Variants in CDKN2AIP observed in about 807,000 individuals in gnomAD.
CDKN2AIP encodes CDKN2A-interacting protein.
CDKN2AIP carries 12 observed loss-of-function variants against 44.1 expected under a neutral mutation model. That is an observed-to-expected ratio of 0.27 (90% CI 0.17 to 0.44). The LOEUF (loss-of-function observed/expected upper bound fraction) is 0.44, where lower values mean the gene tolerates loss of function less well. Among genes scored for constraint, CDKN2AIP ranks in the 20% least tolerant of loss-of-function variants. The pLI is 1.00. For missense variants in CDKN2AIP, 705 were observed against 681.6 expected, an observed-to-expected ratio of 1.03 and a Z score of -0.38; for synonymous variants, 291 against 272.1, an observed-to-expected ratio of 1.07 and a Z score of -0.68.
In CDKN2AIP at chr4:183,446,305, T is replaced by C; in HGVS notation, c.621T>C (p.Asp207=). 6.2e-7 allele frequency: 1 copy of C among 1,614,188 alleles called. No homozygotes were observed. The highest frequency in any genetic ancestry group is 8.5e-7 in the Non-Finnish European group (1 of 1,180,014). ...SSQNSSTSDG[D]RSVSSQSSSS... ...AGAATAGCTCTACAAGTGATGGAGA[T>C]CGATCTGTTTCCAGCCAAAGCAGCA... The change falls in exon 3 of 3, where the codon GAT becomes GAC. Residue 207 remains aspartate (D), a synonymous_variant. Coordinates refer to ENST00000504169, the MANE Select transcript of CDKN2AIP (RefSeq NM_017632.4).
At chr4:183,445,896 AT>A (rs952854579) in intron 2 of CDKN2AIP, 191 bp from the exon 3 acceptor site, 5 of 641,546 alleles carry the variant, frequency 7.8e-6, no homozygotes, top group Admixed American at 6.2e-5. Flanking sequence ...TGATGCTGTT[AT>A]TTTTTTAATA....
chr4:183,447,223 C>T lies in CDKN2AIP; in HGVS notation c.1539C>T (p.Gly513=). 2 of 1,611,892 alleles carry T rather than the reference C, an allele frequency of 1.2e-6. No homozygotes were observed. Among genetic ancestry groups the T allele is most frequent in the Non-Finnish European group, 1.7e-6 (2 of 1,179,254 alleles). The change falls in exon 3 of 3, where the codon GGC becomes GGT. Residue 513 remains glycine (G), a synonymous_variant. Coordinates refer to ENST00000504169, the MANE Select transcript of CDKN2AIP (RefSeq NM_017632.4). ...CELRCKSVYL[G]TGCGKSKENA... The stretch of plus-strand genomic sequence containing the variant: ...TGAGGTGCAAGTCTGTGTATTTGGG[C>T]ACTGGCTGTGGAAAAAGCAAAGAAA...
chr4:183,444,762 C>A lies in CDKN2AIP; in HGVS notation c.-36C>A. 3 of 1,484,366 alleles carry A rather than the reference C, an allele frequency of 2.0e-6. No homozygotes were observed. Among genetic ancestry groups the A allele is most frequent in the Non-Finnish European group, 2.7e-6 (3 of 1,109,840 alleles). 91.9% of individuals were successfully genotyped at this position (1,484,366 alleles called of 1,614,324 possible). A position where few individuals can be genotyped will look rare whatever the true frequency, so the allele number is the denominator to read the frequency against. On this transcript the variant is annotated 5_prime_UTR_variant, in exon 1 of 3. Transcript: ENST00000504169. ...CTCGCCCCGCTAGTCCTGCCTGTCT[C>A]CCGGTGCAGCTGTGTTCGCGGCCTG... is the stretch of plus-strand genomic sequence containing the variant.
rs1733710928 is a variant in CDKN2AIP at position 183,447,587 on chromosome 4, ATAAT to A, written c.*162_*165del. 1.9e-6 allele frequency: 1 copy of A among 528,164 alleles called. No homozygotes were observed. The highest frequency in any genetic ancestry group is 3.6e-5 in the Admixed American group (1 of 27,562). 32.7% of individuals were successfully genotyped at this position (528,164 alleles called of 1,614,324 possible). A position where few individuals can be genotyped will look rare whatever the true frequency, so the allele number is the denominator to read the frequency against. ...TCTCTTCACACAGTAGCAGTTGTAA[ATAAT>A]TTATGAATGACAGTACACATTAAAA... On this transcript the variant is annotated 3_prime_UTR_variant, in exon 3 of 3. Transcript: ENST00000504169.
In CDKN2AIP at chr4:183,446,588, G is replaced by C. The variant is rs1251041060; in HGVS notation, c.904G>C (p.Glu302Gln). The C allele has an allele frequency of 1.9e-6, 3 of 1,614,038 alleles. No individual in the cohort carries two copies. The change falls in exon 3 of 3, where the codon GAA becomes CAA. Residue 302 changes from glutamate (E) to glutamine (Q), a missense_variant. Glu to Gln is a conservative substitution (Grantham distance 29). This residue lies in a region of CDKN2AIP where 592 missense variants were observed against 518.0 expected (regional missense o/e 1.14). Coordinates refer to ENST00000504169, the MANE Select transcript of CDKN2AIP (RefSeq NM_017632.4). Reference sequence around the variant, plus strand: ...GGGCTCCTCAGGAAGCTCAGAGGTAGAATTGCCACTATTGTCTTCCAAACC... The same window carrying C: ...GGGCTCCTCAGGAAGCTCAGAGGTACAATTGCCACTATTGTCTTCCAAACC... ...LLGSSGSSEV[E>Q]LPLLSSKPSS... is the part of the protein sequence containing the mutation.
In CDKN2AIP at chr4:183,446,973, A is replaced by G. The variant is rs768536227; in HGVS notation, c.1289A>G (p.Asn430Ser). The G allele has an allele frequency of 5.6e-6, 9 of 1,614,098 alleles. No individual in the cohort carries two copies. The Middle Eastern group carries it at 4.9e-4, about 88-fold the overall frequency. Residue 430 changes from asparagine to serine, a missense_variant, in exon 3 of 3, where the codon AAT becomes AGT. By Grantham distance (46) the Asn-to-Ser change is conservative. Transcript: ENST00000504169. ...GTCAAATTCTCTTGCAAGTTAACCAATGAAGATGTGAAACAGAAGCAACCT... is the reference window on the plus strand; with the variant it reads ...GTCAAATTCTCTTGCAAGTTAACCAGTGAAGATGTGAAACAGAAGCAACCT... ...SSVKFSCKLTNEDVKQKQPFF... is the reference protein window; with the variant it reads ...SSVKFSCKLTSEDVKQKQPFF...
chr4:183,445,207 C>T lies in CDKN2AIP; in HGVS notation c.272+138C>T, dbSNP rs570996849. On this transcript the variant is annotated intron_variant, in intron 1 of 2. Transcript: ENST00000504169. ...GCGGGAATCCGCCGGCCCGGCTGCC[C>T]TCTAAGGGGGAGAAGGGCGTCCCTG... is the stretch of plus-strand genomic sequence containing the variant. 41 of 1,099,142 alleles carry T rather than the reference C, an allele frequency of 3.7e-5. No homozygotes were observed. The African/African-American group carries it at 5.8e-4, about 16-fold the overall frequency. 68.1% of individuals were successfully genotyped at this position (1,099,142 alleles called of 1,614,324 possible).
At position 183,447,410 on chromosome 4, in the gene CDKN2AIP, C is replaced by T. The variant is rs1306270813; in HGVS notation, c.1726C>T (p.Pro576Ser). The T allele has an allele frequency of 6.5e-7, 1 of 1,535,016 alleles. No individual in the cohort carries two copies. The highest frequency in any genetic ancestry group is 8.7e-7 in the Non-Finnish European group (1 of 1,146,498). ...AAACTTACCTCCAGCACTAAAACAT[C>T]CTCAAGAATTACTATAATGTGTCCA... ...PVNLPPALKHPQELL is the reference protein window; with the variant it reads ...PVNLPPALKHSQELL The change falls in exon 3 of 3, where the codon CCT becomes TCT. Residue 576 changes from proline to serine, a missense_variant. By Grantham distance (74) the Pro-to-Ser change is moderately conservative. Coordinates refer to ENST00000504169, the MANE Select transcript of CDKN2AIP (RefSeq NM_017632.4).
chr4:183,445,242 G>T, intron 1 of CDKN2AIP, 173 bp downstream of exon 1: 1 of 772,852 alleles, frequency 1.3e-6, no homozygotes, highest in Non-Finnish European at 2.0e-6. Flanking sequence ...GCGAGGAGCC[G>T]ACATGATTCC....
In CDKN2AIP at chr4:183,446,153, G is replaced by A. The variant is rs370906148; in HGVS notation, c.469G>A (p.Asp157Asn). The change falls in exon 3 of 3, where the codon GAT (aspartate) becomes AAT (asparagine). Residue 157 changes from aspartate (D) to asparagine (N), a missense_variant. By Grantham distance (23) the Asp-to-Asn change is conservative. Around this residue, in one of 2 missense-constraint regions of CDKN2AIP, gnomAD observed 592 missense variants for 518.0 expected, o/e 1.14. Transcript: ENST00000504169. ...AAAAAACAGTTCTGCAGTTGAGCAAGATCACGCAAAAACCTCTGCCAAGAC... is the reference window on the plus strand; with the variant it reads ...AAAAAACAGTTCTGCAGTTGAGCAAAATCACGCAAAAACCTCTGCCAAGAC... Reference protein sequence around the residue: ...EGKNSSAVEQDHAKTSAKTER... With the variant: ...EGKNSSAVEQNHAKTSAKTER... 1.9e-6 allele frequency: 3 copies of A among 1,614,052 alleles called. No homozygotes were observed. Among genetic ancestry groups the A allele is most frequent in the Non-Finnish European group, 2.5e-6 (3 of 1,179,878 alleles).
chr4:183,444,981 G>A lies in CDKN2AIP; in HGVS notation c.184G>A (p.Asp62Asn). 4 of 1,609,000 alleles carry A rather than the reference G, an allele frequency of 2.5e-6. No homozygotes were observed. The highest frequency in any genetic ancestry group is 4.5e-5 in the East Asian group (2 of 44,750). Residue 62 changes from aspartate (D) to asparagine (N), a missense_variant, in exon 1 of 3, where the codon GAC (aspartate) becomes AAC (asparagine). Transcript: ENST00000504169. The part of the protein sequence containing the change: ...AASASTDEAA[D>N]AESGTRNRQL... Reference sequence around the variant, plus strand: ...CTCCGCTAGCACGGATGAAGCTGCCGACGCCGAGAGCGGGACCCGAAACCG... The same window carrying A: ...CTCCGCTAGCACGGATGAAGCTGCCAACGCCGAGAGCGGGACCCGAAACCG...
At chr4:183,445,123 G>C in intron 1 of CDKN2AIP, 54 bp downstream of exon 1, 1 of 1,519,784 alleles carries the variant, frequency 6.6e-7, no homozygotes, top group East Asian at 2.3e-5. Flanking sequence ...GCCACCTGCA[G>C]ACCGGGGCCC....
At position 183,447,122 on chromosome 4, in the gene CDKN2AIP, G is replaced by A; in HGVS notation, c.1438G>A (p.Val480Ile). Residue 480 changes from valine (V) to isoleucine (I), a missense_variant, in exon 3 of 3, where the codon GTA becomes ATA. Transcript: ENST00000504169. ...TGAGGCTCTGAAAGCAACACTGGAT[G>A]TATTTTTTGTCCCACTAAAAGAATT... ...AIEALKATLD[V>I]FFVPLKELAD... 3 of 1,613,968 alleles carry A rather than the reference G, an allele frequency of 1.9e-6. No individual in the cohort carries two copies. Among genetic ancestry groups the A allele is most frequent in the Non-Finnish European group, 2.5e-6 (3 of 1,179,840 alleles).
At position 183,444,940 on chromosome 4, in the gene CDKN2AIP, C is replaced by A; in HGVS notation, c.143C>A (p.Pro48His). The part of the protein sequence containing the change: ...FLLRNAGDLA[P>H]AGGAASASTD... ...CTTCGCAACGCCGGGGACCTGGCCC[C>A]CGCTGGCGGCGCTGCCTCCGCTAGC... The change falls in exon 1 of 3, where the codon CCC becomes CAC. Residue 48 changes from proline to histidine, a missense_variant. Physicochemically the swap from Pro to His is moderately conservative, Grantham distance 77. Around this residue, in one of 2 missense-constraint regions of CDKN2AIP, gnomAD observed 592 missense variants for 518.0 expected, o/e 1.14. Transcript: ENST00000504169. 1 of 1,611,370 alleles carries A rather than the reference C, an allele frequency of 6.2e-7. No individual in the cohort carries two copies. Among genetic ancestry groups the A allele is most frequent in the Non-Finnish European group, 8.5e-7 (1 of 1,178,952 alleles).
intron 1 of CDKN2AIP, 117 bp downstream of exon 1, chr4:183,445,186 G>A: frequency 2.3e-6 from 3 of 1,303,210 alleles, no homozygotes; most frequent in South Asian, 1.4e-5. Context: ...TGAAGCGCGG[G>A]AATCCGCCGG....
In CDKN2AIP at chr4:183,446,043, T is replaced by C. The variant is rs144915486; in HGVS notation, c.404-45T>C. On this transcript the variant is annotated intron_variant, in intron 2 of 2. Coordinates refer to ENST00000504169, the MANE Select transcript of CDKN2AIP (RefSeq NM_017632.4). ...TGTATTTGTCTCATCACCCGTTTTG[T>C]ACGAGGTATTCTTAGTCACATATCT... The C allele has an allele frequency of 1.6e-3, 2,397 of 1,483,838 alleles. 3 individuals carry two copies. Among genetic ancestry groups the C allele is most frequent in the Admixed American group, 2.6e-3 (119 of 46,580 alleles). The allele number at this position is 1,483,838 out of a possible 1,614,324, so 91.9% of individuals were successfully genotyped here. A position where few individuals can be genotyped will look rare whatever the true frequency, so the allele number is the denominator to read the frequency against.
rs1733628064 is a variant in CDKN2AIP at position 183,444,886 on chromosome 4, A to G, written c.89A>G (p.Lys30Arg). ...EALRCDGETD[K>R]HWRHRRDFLL... Reference sequence around the variant, plus strand: ...CTGCGCTGCGACGGCGAGACTGACAAACACTGGCGCCACCGCCGGGATTTT... The same window carrying G: ...CTGCGCTGCGACGGCGAGACTGACAGACACTGGCGCCACCGCCGGGATTTT... Residue 30 changes from lysine to arginine, a missense_variant, in exon 1 of 3, where the codon AAA (lysine) becomes AGA (arginine). This residue lies in a region of CDKN2AIP where 592 missense variants were observed against 518.0 expected (regional missense o/e 1.14). Coordinates refer to ENST00000504169, the MANE Select transcript of CDKN2AIP (RefSeq NM_017632.4). 3 of 1,604,634 alleles carry G rather than the reference A, an allele frequency of 1.9e-6. No homozygotes were observed. The highest frequency in any genetic ancestry group is 1.3e-5 in the African/African-American group (1 of 74,846).
Position 183,446,866 on chromosome 4 carries a change from C to A in CDKN2AIP, c.1182C>A (p.Ser394=). Residue 394 remains serine, a synonymous_variant, in exon 3 of 3, where the codon TCC becomes TCA. Transcript: ENST00000504169. ...VSKSTSLASV[S]QLASKSSSQT... ...AAAGCACTTCCTTAGCAAGTGTGTCCCAGTTGGCTTCTAAGAGTAGTTCTC... is the reference window on the plus strand; with the variant it reads ...AAAGCACTTCCTTAGCAAGTGTGTCACAGTTGGCTTCTAAGAGTAGTTCTC... The A allele has an allele frequency of 6.2e-7, 1 of 1,614,136 alleles. No individual in the cohort carries two copies. The highest frequency in any genetic ancestry group is 1.3e-5 in the African/African-American group (1 of 75,040).
chr4:183,447,350 G>T lies in CDKN2AIP; in HGVS notation c.1666G>T (p.Asp556Tyr), dbSNP rs1733704881. The T allele has an allele frequency of 6.3e-7, 1 of 1,595,668 alleles. No homozygotes were observed. The change falls in exon 3 of 3, where the codon GAT becomes TAT. Residue 556 changes from aspartate (D) to tyrosine (Y), a missense_variant. Around this residue, in one of 2 missense-constraint regions of CDKN2AIP, gnomAD observed 113 missense variants for 163.6 expected, o/e 0.69. Coordinates refer to ENST00000504169, the MANE Select transcript of CDKN2AIP (RefSeq NM_017632.4). Reference protein sequence around the residue: ...KRKYRGSEIEDLVLLDEESRP... With the variant: ...KRKYRGSEIEYLVLLDEESRP... Reference sequence around the variant, plus strand: ...GAAATACAGAGGCAGTGAAATAGAAGATCTAGTACTCCTTGATGAAGAATC... The same window carrying T: ...GAAATACAGAGGCAGTGAAATAGAATATCTAGTACTCCTTGATGAAGAATC...
Sources: gnomAD v4.1 joint callset for allele counts on GRCh38, gnomAD v4.1.1 for gene constraint, gnomAD v4.1.1 regional missense constraint, MANE v1.5 for transcripts, NCBI Gene and HGNC (gene_info 2026-07-23, HGNC 2026-07-21) for gene names.